PCGF3: variants seen among roughly 807,000 people sequenced by gnomAD.
PCGF3 encodes polycomb group ring finger 3, also known as polycomb group RING finger protein 3.
PCGF3 carries 7 observed loss-of-function variants against 33.1 expected under a neutral mutation model. The observed-to-expected ratio is 0.21, with a 90% CI of 0.12 to 0.40. PCGF3 has a LOEUF of 0.40. Ranked by LOEUF, PCGF3 falls within the 10% of genes least tolerant of loss-of-function variation. The pLI is 1.00. For missense variants in PCGF3, 211 were observed against 313.3 expected (o/e 0.67, Z 2.46); for synonymous variants, 153 against 121.3 (o/e 1.26, Z -1.72).
chr4:755,933 G>A (rs1372643931), intron 8 of PCGF3, among the ~76,000 whole-genome samples: 1 of 22,342 alleles, frequency 4.5e-5, no homozygotes, highest in Non-Finnish European at 1.2e-4. Context: ...TTTTTTTTTT[G>A]GAGATGGAGT....
At chr4:730,764 T>G in intron 2 of PCGF3, 96 bp downstream of exon 2, 1 of 362,440 alleles carries the variant, frequency 2.8e-6, no homozygotes, top group Non-Finnish European at 4.9e-6. Context: ...CGGCGTTCCT[T>G]GCAGTGCCTC....
At position 721,471 on chromosome 4, in the gene PCGF3, G is replaced by A. The variant is rs535312620; in HGVS notation, c.-189-9159G>A. 8.5e-5 allele frequency among the ~76,000 whole-genome samples: 13 copies of A among 152,270 alleles called. No individual in the cohort carries two copies. The highest frequency in any genetic ancestry group is 2.1e-4 in the South Asian group (1 of 4,820). On this transcript the variant is annotated intron_variant, in intron 1 of 10. Coordinates refer to ENST00000362003, the Ensembl canonical transcript of PCGF3. The surrounding 1 kb of genome is among the most constrained non-coding windows in gnomAD (Gnocchi z 4.1). ...GCCAGACGGGAAAGGGGGCTGAGGC[G>A]TCCAGGCTGCAGAGGGTGCCGGGGT...
At chr4:715,356 T>A (rs13126245) in intron 1 of PCGF3, among the ~76,000 whole-genome samples, 2 of 87,820 alleles carry the variant, frequency 2.3e-5, no homozygotes, top group African/African-American at 4.5e-5. Flanking sequence ...TGCTGGGACC[T>A]TGTAGACACT....
intron 9 of PCGF3, 129 bp from the exon 10 acceptor site, chr4:764,855 C>G (rs1285782556): frequency 6.2e-6 from 4 of 646,898 alleles, no homozygotes; most frequent in South Asian, 1.8e-5. Context: ...CCAGCCCCCC[C>G]CACCCCATCT....
exon 11 of PCGF3, chr4:769,732 G>A (rs1276023041): frequency 2.0e-5 from 3 of 152,636 alleles, no homozygotes; most frequent in Admixed American, 2.0e-4. Context: ...TAGCCTCCGT[G>A]TAAATGTCCA....
Position 769,369 on chromosome 4 carries a change from G to A in PCGF3, c.*3290G>A, listed in dbSNP as rs1745521679. On this transcript the variant is annotated 3_prime_UTR_variant, in exon 11 of 11. Coordinates refer to ENST00000362003, the Ensembl canonical transcript of PCGF3. ...ACCTAGTCCCACGTTGTACGTGAAT[G>A]TTTAATGTGCTCTCAAAACATGGAA... 2.0e-5 allele frequency: 3 copies of A among 152,848 alleles called. No homozygotes were observed. In the South Asian group the frequency reaches 6.2e-4, roughly 32 times the overall value. 9.5% of individuals were successfully genotyped at this position (152,848 alleles called of 1,614,324 possible).
At chr4:734,146 T>C (rs899312251) in intron 4 of PCGF3, 4 of 1,550,524 alleles carry the variant, frequency 2.6e-6, no homozygotes, top group Non-Finnish European at 3.5e-6. Context: ...CCTTCCAGTG[T>C]GTTCTTCACA....
chr4:770,068 TA>T (rs1450976905), exon 11 of PCGF3: 1 of 152,634 alleles, frequency 6.6e-6, no homozygotes, highest in African/African-American at 2.4e-5. Flanking sequence ...ATGCTTGTAA[TA>T]AAAGCAAAAG....
intron 8 of PCGF3, among the ~76,000 whole-genome samples, chr4:754,749 C>T (rs1744693777): frequency 6.6e-6 from 1 of 152,174 alleles, no homozygotes. Context: ...CCTGGCGTGG[C>T]TTTATCCCCA....
At chr4:709,627 G>C (rs762619142) in intron 1 of PCGF3, among the ~76,000 whole-genome samples, 1 of 152,264 alleles carries the variant, frequency 6.6e-6, no homozygotes, top group Non-Finnish European at 1.5e-5. Flanking sequence ...TTAGGCGTGC[G>C]GGCTTGCCTG....
At chr4:715,210 G>GCT in intron 1 of PCGF3, among the ~76,000 whole-genome samples, 1 of 140,652 alleles carries the variant, frequency 7.1e-6, no homozygotes, top group Admixed American at 7.1e-5. Context: ...TGAGAACTGG[G>GCT]TGTTGGTGCT....
chr4:769,685 A>C (rs1243904258), exon 11 of PCGF3: 1 of 151,760 alleles, frequency 6.6e-6, no homozygotes, highest in Middle Eastern at 3.4e-3. Context: ...GCGTCTGAGG[A>C]ACGAGCTGCA....
At position 711,546 on chromosome 4, in the gene PCGF3, T is replaced by C. The variant is rs376906772; in HGVS notation, c.-190+5576T>C. On this transcript the variant is annotated intron_variant, in intron 1 of 10. Coordinates refer to ENST00000362003, the Ensembl canonical transcript of PCGF3. ...AATCTCGGCTCACTGCAAGCTCCGC[T>C]TCCCGGGTTCACGCCATTCTCCTGC... Among the ~76,000 whole-genome samples, 5 of 143,724 alleles carry C rather than the reference T, an allele frequency of 3.5e-5. No individual in the cohort carries two copies. In the East Asian group the frequency reaches 6.3e-4, roughly 18 times the overall value. 94.3% of individuals were successfully genotyped at this position (143,724 alleles called of 152,430 possible). A position where few individuals can be genotyped will look rare whatever the true frequency, so the allele number is the denominator to read the frequency against.
chr4:762,936 C>G (rs1466277776), intron 9 of PCGF3: 2 of 151,572 alleles, frequency 1.3e-5, no homozygotes, highest in Admixed American at 1.3e-4. Flanking sequence ...TGGGGCTGCT[C>G]GGTTTGGGGT....
At chr4:733,102 C>T (rs1474241061) in intron 3 of PCGF3, among the ~76,000 whole-genome samples, 1 of 108,042 alleles carries the variant, frequency 9.3e-6, no homozygotes, top group Non-Finnish European at 1.9e-5. Flanking sequence ...CCGCCCCTGC[C>T]CCGTGCTGCC....
rs371259330 is a variant in PCGF3, at chr4:733,203, C to T, written c.-9-469C>T. On this transcript the variant is annotated intron_variant, in intron 3 of 10. Transcript: ENST00000362003. The stretch of plus-strand genomic sequence containing the variant: ...GGGAGGAAGGGGTGTGAGCATACAG[C>T]CCAGACTCTAAACTGGGCCCAAGGG... Among the ~76,000 whole-genome samples the T allele has an allele frequency of 5.9e-4, 90 of 152,348 alleles. 1 individual carries two copies. In the South Asian group the frequency reaches 0.016, roughly 26 times the overall value.
intron 8 of PCGF3, among the ~76,000 whole-genome samples, chr4:748,278 C>A (rs561431196): frequency 6.6e-6 from 1 of 151,960 alleles, no homozygotes; most frequent in Non-Finnish European, 1.5e-5. Flanking sequence ...CGGCTCACTG[C>A]AGCCTCTGCC....
exon 11 of PCGF3, chr4:766,667 A>G (rs976290740): frequency 6.6e-6 from 1 of 151,996 alleles, no homozygotes; most frequent in African/African-American, 2.4e-5. Context: ...CTTATGAAAC[A>G]CAACAGCAGC....
rs972225686 is a variant in PCGF3, at chr4:720,633, G to A, written c.-189-9997G>A. Among the ~76,000 whole-genome samples the A allele has an allele frequency of 6.6e-6, 1 of 150,450 alleles. No individual in the cohort carries two copies. The highest frequency in any genetic ancestry group is 2.5e-5 in the African/African-American group (1 of 40,798). On this transcript the variant is annotated intron_variant, in intron 1 of 10. Coordinates refer to ENST00000362003, the Ensembl canonical transcript of PCGF3. This position sits in a 1 kb window ranked among gnomAD's most constrained non-coding sequence, Gnocchi z 5.6. ...CCGGGGTGGACGGGCGGTGACGTGC[G>A]TGTGGACCCGGGGTGGACGGGCGGT...
Sources: gnomAD v4.1 joint callset for allele counts (sites outside exome capture counted in the v4.1 genomes callset) on GRCh38, gnomAD v4.1.1 for gene constraint, Gnocchi (gnomAD v3.1) non-coding constraint, MANE v1.5 for transcripts, NCBI Gene and HGNC (gene_info 2026-07-23, HGNC 2026-07-21) for gene names.